Variants in KLRF1 observed in about 807,000 individuals in gnomAD.
The protein encoded by KLRF1 is killer cell lectin like receptor F1, also known as killer cell lectin-like receptor subfamily F member 1.
A neutral mutation model predicts 30.7 loss-of-function variants in KLRF1; 27 were observed. The observed-to-expected ratio is 0.88, with a 90% confidence interval of 0.65 to 1.21. The LOEUF (loss-of-function observed/expected upper bound fraction) is 1.21, where lower values mean the gene tolerates loss of function less well. Ranked by LOEUF, KLRF1 falls within the 50% of genes most tolerant of loss-of-function variation. The pLI is 0.00. For missense variants in KLRF1, 246 were observed against 259.3 expected, an observed-to-expected ratio of 0.95 and a Z score of 0.35; for synonymous variants, 92 against 89.3, an observed-to-expected ratio of 1.03 and a Z score of -0.17.
upstream of KLRF1, among the ~76,000 whole-genome samples, chr12:9,824,515 T>C (rs1867260085): frequency 6.6e-6 from 1 of 152,156 alleles, no homozygotes; most frequent in Admixed American, 6.5e-5. Flanking sequence ...AACATTATCC[T>C]GAACAGGTGA....
At chr12:9,823,390 G>A (rs976747305), upstream of KLRF1, among the ~76,000 whole-genome samples, 1 of 152,084 alleles carries the variant, frequency 6.6e-6, no homozygotes, top group Admixed American at 6.5e-5. Context: ...AATGACTTTG[G>A]GGATAAATAA....
the KLRF1 span, among the ~76,000 whole-genome samples, chr12:9,812,816 A>G: frequency 6.6e-6 from 1 of 152,224 alleles, no homozygotes; most frequent in Non-Finnish European, 1.5e-5. Flanking sequence ...TGACTTCCTA[A>G]TAAGCAGGGG....
chr12:9,833,220 T>C (rs750192276), intron 2 of KLRF1, 83 bp from the exon 3 acceptor site: 1 of 918,018 alleles, frequency 1.1e-6, no homozygotes, highest in Non-Finnish European at 1.6e-6. Context: ...GTTCCAATCA[T>C]CGGAATCATT....
At chr12:9,806,659 G>A in the KLRF1 span, among the ~76,000 whole-genome samples, 3 of 151,954 alleles carry the variant, frequency 2.0e-5, no homozygotes, top group Non-Finnish European at 2.9e-5. Context: ...AGTTTTCTGT[G>A]TGTCTCAAGT....
the KLRF1 span, chr12:9,818,096 G>A: frequency 1.6e-5 from 3 of 192,764 alleles, no homozygotes; most frequent in Admixed American, 5.0e-5. Context: ...GACTCTCATC[G>A]TCACTGCTTA....
the KLRF1 span, among the ~76,000 whole-genome samples, chr12:9,821,752 G>A: frequency 6.6e-6 from 1 of 152,232 alleles, no homozygotes; most frequent in Admixed American, 6.5e-5. Context: ...AGTGGGAGAG[G>A]ATCCCAAACT....
chr12:9,818,629 T>C, the KLRF1 span, among the ~76,000 whole-genome samples: 2 of 152,206 alleles, frequency 1.3e-5, 1 homozygote, highest in South Asian at 4.1e-4. Flanking sequence ...GAGACTTAAG[T>C]AATAAATCTG....
the KLRF1 span, among the ~76,000 whole-genome samples, chr12:9,815,446 G>A: frequency 3.3e-5 from 5 of 152,200 alleles, no homozygotes; most frequent in African/African-American, 9.6e-5. Flanking sequence ...TATCTGAGCC[G>A]CAGATGGACT....
At chr12:9,834,114 T>C (rs1173569304) in intron 3 of KLRF1, among the ~76,000 whole-genome samples, 2 of 147,976 alleles carry the variant, frequency 1.4e-5, no homozygotes, top group Admixed American at 1.3e-4. Flanking sequence ...GGGGAGCTTT[T>C]TGAGCCACGA....
At chr12:9,817,726 G>A in the KLRF1 span, 1 of 214,032 alleles carries the variant, frequency 4.7e-6, no homozygotes, top group Non-Finnish European at 1.0e-5. Context: ...CTTTTCCTCA[G>A]TCACCCCATG....
At chr12:9,817,023 C>A in the KLRF1 span, among the ~76,000 whole-genome samples, 2 of 152,082 alleles carry the variant, frequency 1.3e-5, no homozygotes, top group Non-Finnish European at 2.9e-5. Flanking sequence ...TCTCAACCTG[C>A]CACTATTGAA....
intron 3 of KLRF1, among the ~76,000 whole-genome samples, chr12:9,840,094 C>T (rs1334545823): frequency 1.3e-5 from 2 of 151,988 alleles, no homozygotes; most frequent in Non-Finnish European, 2.9e-5. Flanking sequence ...ATGAAAAAGC[C>T]AGATACAAAA....
intron 3 of KLRF1, among the ~76,000 whole-genome samples, chr12:9,838,507 T>A (rs1219613430): frequency 6.6e-6 from 1 of 152,110 alleles, no homozygotes; most frequent in Non-Finnish European, 1.5e-5. Context: ...AGTCAGCACG[T>A]GATCTCATGG....
At chr12:9,819,650 C>T in the KLRF1 span, among the ~76,000 whole-genome samples, 1 of 152,170 alleles carries the variant, frequency 6.6e-6, no homozygotes, top group Non-Finnish European at 1.5e-5. Context: ...GTCTGTACCC[C>T]TCTGGGATGG....
the KLRF1 span, among the ~76,000 whole-genome samples, chr12:9,818,765 C>G: frequency 6.6e-6 from 1 of 151,910 alleles, no homozygotes; most frequent in African/African-American, 2.4e-5. Flanking sequence ...CTTAGAATGC[C>G]AAAAAAATTG....
At position 9,827,512 on chromosome 12, in the gene KLRF1, A is replaced by G; in HGVS notation, c.-33A>G. ...TGTTATACTTAATAAAACAAAACAT[A>G]CCTGTATACACACACATTCACTCAC... On this transcript the variant is annotated 5_prime_UTR_variant, in exon 1 of 6. In the 5' UTR this introduces an upstream ATG that the reference lacks. Transcript: ENST00000617889. 8.3e-7 allele frequency: 1 copy of G among 1,210,624 alleles called. No individual in the cohort carries two copies. Among genetic ancestry groups the G allele is most frequent in the Admixed American group, 2.0e-5 (1 of 49,680 alleles). The allele number at this position is 1,210,624 out of a possible 1,614,324, so 75.0% of individuals were successfully genotyped here. A position where few individuals can be genotyped will look rare whatever the true frequency, so the allele number is the denominator to read the frequency against.
the KLRF1 span, among the ~76,000 whole-genome samples, chr12:9,811,177 CA>C: frequency 3.2e-3 from 411 of 127,154 alleles, no homozygotes; most frequent in African/African-American, 4.8e-3. Flanking sequence ...GAGTAGAAAG[CA>C]AAAAAAAAAA....
the KLRF1 span, among the ~76,000 whole-genome samples, chr12:9,821,919 C>G: frequency 2.6e-5 from 4 of 152,248 alleles, no homozygotes; most frequent in Admixed American, 2.6e-4. Context: ...TAACATACCA[C>G]CCACTCCACT....
intron 1 of KLRF1, among the ~76,000 whole-genome samples, chr12:9,828,710 A>C (rs1867340384): frequency 6.6e-6 from 1 of 152,168 alleles, no homozygotes; most frequent in East Asian, 1.9e-4. Flanking sequence ...TTCATCTTAG[A>C]GTTACATACG....
Sources: gnomAD v4.1 joint callset for allele counts (sites outside exome capture counted in the v4.1 genomes callset) on GRCh38, gnomAD v4.1.1 for gene constraint, MANE v1.5 for transcripts, NCBI Gene and HGNC (gene_info 2026-07-23, HGNC 2026-07-21) for gene names.